MAF: variants seen among roughly 807,000 people sequenced by gnomAD.
MAF encodes MAF bZIP transcription factor.
A neutral mutation model predicts 22.0 loss-of-function variants in MAF; 10 were observed. That is an observed-to-expected ratio of 0.45 (90% CI 0.28 to 0.77). MAF has a LOEUF of 0.77. Ranked by LOEUF, MAF falls within the 30% of genes least tolerant of loss-of-function variation. The probability of loss-of-function intolerance (pLI) is 0.12; values close to 1 mark genes in which losing one functional copy is unlikely to be tolerated. For missense variants in MAF, 544 were observed against 548.4 expected (o/e 0.99, Z 0.08); for synonymous variants, 337 against 255.8 (o/e 1.32, Z -3.03).
At chr16:79,470,797 C>A in the MAF span, among the ~76,000 whole-genome samples, 1 of 152,120 alleles carries the variant, frequency 6.6e-6, no homozygotes, top group African/African-American at 2.4e-5. Flanking sequence ...GATGGGTGAA[C>A]GGATGAATGG....
At chr16:79,289,328 G>C in the MAF span, among the ~76,000 whole-genome samples, 3 of 152,090 alleles carry the variant, frequency 2.0e-5, no homozygotes, top group African/African-American at 7.2e-5. Context: ...GAGGAGATGG[G>C]GGAAATCATT....
the MAF span, among the ~76,000 whole-genome samples, chr16:79,368,867 C>G: frequency 6.6e-6 from 1 of 152,174 alleles, no homozygotes; most frequent in African/African-American, 2.4e-5. Context: ...AAAATTGGAA[C>G]CCTCCACTTC....
the MAF span, among the ~76,000 whole-genome samples, chr16:79,381,215 C>G: frequency 6.6e-6 from 1 of 152,250 alleles, no homozygotes; most frequent in Non-Finnish European, 1.5e-5. Context: ...TTCCTATTAA[C>G]AGTATCTCTC....
the MAF span, among the ~76,000 whole-genome samples, chr16:79,559,009 G>T: frequency 6.6e-6 from 1 of 152,096 alleles, no homozygotes; most frequent in Admixed American, 6.6e-5. Context: ...CCTTACCTAG[G>T]ATGTGTCTTT....
At chr16:79,385,229 C>T in the MAF span, among the ~76,000 whole-genome samples, 3 of 152,184 alleles carry the variant, frequency 2.0e-5, no homozygotes, top group Non-Finnish European at 4.4e-5. Context: ...ATAAATTCAA[C>T]TCCCTTTGAG....
At chr16:79,415,282 G>A in the MAF span, among the ~76,000 whole-genome samples, 1 of 151,632 alleles carries the variant, frequency 6.6e-6, no homozygotes, top group Non-Finnish European at 1.5e-5. Context: ...AGGAAGGAAG[G>A]GAGGGAGGGA....
At chr16:79,486,672 G>A in the MAF span, among the ~76,000 whole-genome samples, 1 of 152,086 alleles carries the variant, frequency 6.6e-6, no homozygotes, top group African/African-American at 2.4e-5. Context: ...ATTAATAATT[G>A]GCTTTATGAG....
the MAF span, among the ~76,000 whole-genome samples, chr16:79,543,071 TA>T: frequency 6.6e-6 from 1 of 152,250 alleles, no homozygotes; most frequent in Non-Finnish European, 1.5e-5. Context: ...TTAAGCCTTT[TA>T]AAAGCAGAAC....
At chr16:79,541,451 A>T in the MAF span, among the ~76,000 whole-genome samples, 6 of 152,174 alleles carry the variant, frequency 3.9e-5, no homozygotes, top group Non-Finnish European at 8.8e-5. Flanking sequence ...CTCTAGGCAC[A>T]GTAGTACCTG....
At chr16:79,509,612 C>T in the MAF span, among the ~76,000 whole-genome samples, 1 of 152,236 alleles carries the variant, frequency 6.6e-6, no homozygotes, top group Non-Finnish European at 1.5e-5. Flanking sequence ...CAGCACAGGG[C>T]AGGAAAGACC....
the MAF span, among the ~76,000 whole-genome samples, chr16:79,234,349 A>T: frequency 6.6e-6 from 1 of 152,148 alleles, no homozygotes; most frequent in African/African-American, 2.4e-5. Context: ...CAATAGCTTG[A>T]TAATACACAC....
the MAF span, among the ~76,000 whole-genome samples, chr16:79,290,502 C>G: frequency 6.6e-6 from 1 of 152,066 alleles, no homozygotes; most frequent in Non-Finnish European, 1.5e-5. Flanking sequence ...CCACGGGGAA[C>G]TGAGTTTTAA....
At chr16:79,385,686 A>G in the MAF span, among the ~76,000 whole-genome samples, 1,084 of 152,256 alleles carry the variant, frequency 7.1e-3, 12 homozygotes, top group African/African-American at 0.025. Context: ...GGATCACTTA[A>G]GGTCAGGAGT....
chr16:79,355,697 G>A, the MAF span, among the ~76,000 whole-genome samples: 1 of 152,160 alleles, frequency 6.6e-6, no homozygotes, highest in Non-Finnish European at 1.5e-5. Context: ...TAGGAAATGT[G>A]GTACAAAAAG....
chr16:79,320,900 A>G, the MAF span, among the ~76,000 whole-genome samples: 1 of 152,226 alleles, frequency 6.6e-6, no homozygotes, highest in African/African-American at 2.4e-5. Flanking sequence ...TTCCTTTTAA[A>G]GATGAGCAGA....
the MAF span, among the ~76,000 whole-genome samples, chr16:79,484,531 C>T: frequency 1.3e-5 from 2 of 152,224 alleles, no homozygotes; most frequent in East Asian, 3.9e-4. Flanking sequence ...TTGGTCCCTG[C>T]TATGGTGGGA....
chr16:79,375,609 T>C, the MAF span, among the ~76,000 whole-genome samples: 3 of 152,060 alleles, frequency 2.0e-5, no homozygotes, highest in African/African-American at 7.2e-5. Flanking sequence ...GTAATGATGA[T>C]GATGAAGGTG....
At chr16:79,375,222 T>G in the MAF span, among the ~76,000 whole-genome samples, 4 of 152,234 alleles carry the variant, frequency 2.6e-5, no homozygotes, top group Admixed American at 2.6e-4. Flanking sequence ...TCAAGTTGAA[T>G]AGAACATTTC....
chr16:79,280,332 A>T, the MAF span, among the ~76,000 whole-genome samples: 1 of 152,242 alleles, frequency 6.6e-6, no homozygotes, highest in Non-Finnish European at 1.5e-5. Flanking sequence ...TCAAGAGTCC[A>T]GCTGCAGTCT....
Sources: gnomAD v4.1 joint callset for allele counts (sites outside exome capture counted in the v4.1 genomes callset) on GRCh38, gnomAD v4.1.1 for gene constraint, MANE v1.5 for transcripts, NCBI Gene and HGNC (gene_info 2026-07-23, HGNC 2026-07-21) for gene names.